Variants in RBMS3 observed in about 807,000 individuals in gnomAD.
The protein encoded by RBMS3 is RNA-binding motif, single-stranded-interacting protein 3.
RBMS3 carries 27 observed loss-of-function variants against 66.8 expected under a neutral mutation model. That is an observed-to-expected ratio of 0.40 (90% confidence interval 0.30 to 0.56). The LOEUF (loss-of-function observed/expected upper bound fraction) is 0.56, where lower values mean the gene tolerates loss of function less well. Ranked by LOEUF, RBMS3 falls within the 20% of genes least tolerant of loss-of-function variation. The probability of loss-of-function intolerance (pLI) is 0.40; values close to 1 mark genes in which losing one functional copy is unlikely to be tolerated. For missense variants in RBMS3, 513 were observed against 549.5 expected, an observed-to-expected ratio of 0.93 and a Z score of 0.66; for synonymous variants, 188 against 183.0, an observed-to-expected ratio of 1.03 and a Z score of -0.22.
intron 4 of RBMS3, among the ~76,000 whole-genome samples, chr3:29,588,284 A>G (rs978688567): frequency 6.6e-5 from 10 of 152,040 alleles, no homozygotes; most frequent in African/African-American, 2.4e-4. Flanking sequence ...GATTCTATAA[A>G]TTTTAGGTGG....
chr3:29,914,398 A>G (rs536963855), intron 10 of RBMS3, among the ~76,000 whole-genome samples: 1 of 152,028 alleles, frequency 6.6e-6, no homozygotes, highest in African/African-American at 2.4e-5. Context: ...CAAGAAGGGT[A>G]GTAATAAACT....
At chr3:29,976,813 G>A (rs1697619870) in intron 12 of RBMS3, among the ~76,000 whole-genome samples, 1 of 145,708 alleles carries the variant, frequency 6.9e-6, no homozygotes, top group Non-Finnish European at 1.5e-5. Flanking sequence ...AGAAATAATA[G>A]AATTATGCAA....
intron 2 of RBMS3, among the ~76,000 whole-genome samples, chr3:29,457,229 G>C (rs929868115): frequency 6.6e-6 from 1 of 152,074 alleles, no homozygotes; most frequent in Non-Finnish European, 1.5e-5. Flanking sequence ...GATGTCTCTC[G>C]AGTTTGTTCA....
intron 4 of RBMS3, among the ~76,000 whole-genome samples, chr3:29,676,988 C>T (rs930498880): frequency 2.0e-5 from 3 of 152,086 alleles, no homozygotes; most frequent in Non-Finnish European, 4.4e-5. Context: ...GTATCTGCTT[C>T]TGGGGAGGCC....
intron 6 of RBMS3, among the ~76,000 whole-genome samples, chr3:29,855,516 A>T (rs967416143): frequency 2.6e-5 from 4 of 152,236 alleles, no homozygotes; most frequent in Admixed American, 2.6e-4. Flanking sequence ...GCCAAGCTGC[A>T]ATTACTATAT....
chr3:29,579,080 C>T (rs574972096), intron 3 of RBMS3, among the ~76,000 whole-genome samples: 1 of 152,000 alleles, frequency 6.6e-6, no homozygotes, highest in South Asian at 2.1e-4. Context: ...GGATTACAGG[C>T]GTGAGCCACC....
intron 1 of RBMS3, among the ~76,000 whole-genome samples, chr3:29,380,332 G>A (rs2038704260): frequency 6.6e-6 from 1 of 151,928 alleles, no homozygotes; most frequent in South Asian, 2.1e-4. Context: ...TATAAATATG[G>A]TTATTGGCAT....
rs559555925 is a variant in RBMS3 at position 29,844,250 on chromosome 3, G to T, written c.638-24608G>T. Among the ~76,000 whole-genome samples the T allele has an allele frequency of 3.9e-5, 6 of 152,090 alleles. No homozygotes were observed. In the East Asian group the frequency reaches 1.2e-3, roughly 29 times the overall value. On this transcript the variant is annotated intron_variant, in intron 6 of 14. Coordinates refer to ENST00000383767, the MANE Select transcript of RBMS3 (RefSeq NM_001003793.3). ...GCTCTTTGTTTTTTTGTTGTGTTTT[G>T]TTTTGTTTTGTTTTGTTTGTGCCTA...
intron 12 of RBMS3, among the ~76,000 whole-genome samples, chr3:29,977,509 G>C (rs1697671277): frequency 6.7e-6 from 1 of 149,100 alleles, no homozygotes; most frequent in African/African-American, 2.5e-5. Flanking sequence ...ACACGGTTCT[G>C]TTCCAATTTT....
chr3:29,676,621 T>A (rs1489538304), intron 4 of RBMS3, among the ~76,000 whole-genome samples: 2 of 152,210 alleles, frequency 1.3e-5, no homozygotes, highest in African/African-American at 4.8e-5. Context: ...TAACTTTGAA[T>A]CATTTTATAT....
Position 29,434,635 on chromosome 3 carries a change from G to T in RBMS3, c.76-108G>T, listed in dbSNP as rs954271237. ...TATAAATGTGTGTGTGTATGTACGTGTGTGTATTGGAGAAGACGCATAGCT... is the reference window on the plus strand; with the variant it reads ...TATAAATGTGTGTGTGTATGTACGTTTGTGTATTGGAGAAGACGCATAGCT... On this transcript the variant is annotated intron_variant, in intron 1 of 14. Coordinates refer to ENST00000383767, the MANE Select transcript of RBMS3 (RefSeq NM_001003793.3). The T allele has an allele frequency of 2.8e-6, 4 of 1,410,406 alleles. No homozygotes were observed. In the African/African-American group the frequency reaches 5.8e-5, roughly 20 times the overall value. The allele number at this position is 1,410,406 out of a possible 1,614,324, so 87.4% of individuals were successfully genotyped here.
At chr3:29,596,159 C>A (rs2047935811) in intron 4 of RBMS3, among the ~76,000 whole-genome samples, 1 of 152,196 alleles carries the variant, frequency 6.6e-6, no homozygotes, top group African/African-American at 2.4e-5. Flanking sequence ...TCCTGCTTTC[C>A]TGGCCCCAAC....
intron 10 of RBMS3, among the ~76,000 whole-genome samples, chr3:29,901,337 G>A (rs1347648279): frequency 1.3e-5 from 2 of 151,806 alleles, no homozygotes; most frequent in African/African-American, 2.4e-5. Flanking sequence ...TAAAAAATGT[G>A]TTCATCCGTA....
At chr3:29,319,957 T>C (rs1296883286) in intron 1 of RBMS3, among the ~76,000 whole-genome samples, 1 of 151,930 alleles carries the variant, frequency 6.6e-6, no homozygotes, top group Admixed American at 6.6e-5. Flanking sequence ...GAATCTGTTT[T>C]GAGATTCTGG....
intron 1 of RBMS3, among the ~76,000 whole-genome samples, chr3:29,351,277 T>C (rs1399361117): frequency 6.6e-6 from 1 of 152,198 alleles, no homozygotes; most frequent in Admixed American, 6.5e-5. Flanking sequence ...TTAATTTCTC[T>C]AAGAGTTGCT....
chr3:29,544,076 T>C (rs892004793), intron 3 of RBMS3, among the ~76,000 whole-genome samples: 3 of 152,116 alleles, frequency 2.0e-5, no homozygotes, highest in African/African-American at 7.2e-5. Context: ...AATTGTCAAG[T>C]TGTCATTGCT....
chr3:29,696,658 A>G (rs1056431183), intron 4 of RBMS3, among the ~76,000 whole-genome samples: 2 of 152,196 alleles, frequency 1.3e-5, no homozygotes, highest in Non-Finnish European at 2.9e-5. Context: ...TTGAGAGTTG[A>G]TGATAATTTC....
intron 1 of RBMS3, among the ~76,000 whole-genome samples, chr3:29,425,879 G>A (rs1235936111): frequency 6.6e-6 from 1 of 152,138 alleles, no homozygotes; most frequent in Non-Finnish European, 1.5e-5. Flanking sequence ...ACTTATTCTA[G>A]CTCATCGTGA....
intron 10 of RBMS3, chr3:29,903,224 C>G (rs751415988): frequency 4.6e-5 from 7 of 151,712 alleles, no homozygotes; most frequent in Non-Finnish European, 7.4e-5. Context: ...GTTACTGGAC[C>G]CTGGGAACTT....
Sources: gnomAD v4.1 joint callset for allele counts (sites outside exome capture counted in the v4.1 genomes callset) on GRCh38, gnomAD v4.1.1 for gene constraint, MANE v1.5 for transcripts, NCBI Gene and HGNC (gene_info 2026-07-23, HGNC 2026-07-21) for gene names.